Variants in CARMIL1 observed in about 807,000 individuals in gnomAD.
CARMIL1 encodes the protein capping protein regulator and myosin 1 linker 1.
In CARMIL1, 90 loss-of-function variants were observed where a neutral mutation model predicts 177.1. The observed-to-expected ratio is 0.51, with a 90% CI of 0.43 to 0.61. CARMIL1 has a LOEUF of 0.61. CARMIL1 is among the 20% of genes least tolerant of loss of function. The pLI, the probability that CARMIL1 is intolerant of heterozygous loss-of-function variation, is 0.00. For synonymous variants in CARMIL1, 577 were observed against 606.2 expected (o/e 0.95, Z 0.71); for missense variants, 1,380 against 1,667.0 (o/e 0.83, Z 3.00).
chr6:25,575,362 G>C (rs1389555768), intron 29 of CARMIL1, among the ~76,000 whole-genome samples: 2 of 152,142 alleles, frequency 1.3e-5, no homozygotes, highest in Non-Finnish European at 2.9e-5. Context: ...GTCATTTTAG[G>C]AGTTGAACCA....
intron 2 of CARMIL1, among the ~76,000 whole-genome samples, chr6:25,303,739 A>G (rs570400074): frequency 1.1e-4 from 17 of 152,382 alleles, no homozygotes; most frequent in African/African-American, 3.6e-4. Flanking sequence ...TATGTTAAAT[A>G]ACGGGTGAAC....
chr6:25,618,987 A>G (rs1473775526), intron 36 of CARMIL1, among the ~76,000 whole-genome samples: 1 of 152,244 alleles, frequency 6.6e-6, no homozygotes, highest in African/African-American at 2.4e-5. Context: ...GCCCCAAATC[A>G]TCTGCAGAAG....
intron 5 of CARMIL1, among the ~76,000 whole-genome samples, chr6:25,443,911 C>T (rs534880692): frequency 2.9e-4 from 44 of 152,196 alleles, no homozygotes; most frequent in Non-Finnish European, 5.7e-4. Context: ...TCAAGCCATT[C>T]TCTGGCCTCA....
At chr6:25,598,493 C>G (rs1261415802) in intron 32 of CARMIL1, among the ~76,000 whole-genome samples, 1 of 152,160 alleles carries the variant, frequency 6.6e-6, no homozygotes, top group Non-Finnish European at 1.5e-5. Flanking sequence ...CCCACCTCAG[C>G]CTCCCAAAGT....
At chr6:25,566,117 T>G (rs1449605711) in intron 29 of CARMIL1, among the ~76,000 whole-genome samples, 1 of 152,238 alleles carries the variant, frequency 6.6e-6, no homozygotes. Flanking sequence ...TGTTTGATTC[T>G]TGTCTGGACT....
intron 29 of CARMIL1, among the ~76,000 whole-genome samples, chr6:25,573,590 C>CAAAAAAA (rs5875051): frequency 4.3e-5 from 3 of 69,966 alleles, no homozygotes; most frequent in African/African-American, 5.9e-5. Context: ...TACCTCTAAG[C>CAAAAAAA]AAAAAAAAAA....
intron 11 of CARMIL1, among the ~76,000 whole-genome samples, chr6:25,481,211 C>A (rs1290128025): frequency 6.6e-6 from 1 of 151,956 alleles, no homozygotes; most frequent in African/African-American, 2.4e-5. Context: ...CCGATAAAAA[C>A]CTGTTTAACA....
At position 25,515,250 on chromosome 6, in the gene CARMIL1, G is replaced by C. The variant is rs886209711; in HGVS notation, c.1633-425G>C. On this transcript the variant is annotated intron_variant, in intron 20 of 36. Coordinates refer to ENST00000329474, the MANE Select transcript of CARMIL1 (RefSeq NM_017640.6). The surrounding 1 kb of genome is among the most constrained non-coding windows in gnomAD (Gnocchi z 5.0). Reference sequence around the variant, plus strand: ...TAATTGTCAGCTATTATTAATCCTGGCTGGCTTTTATCTTGTATTTGTCCT... The same window carrying C: ...TAATTGTCAGCTATTATTAATCCTGCCTGGCTTTTATCTTGTATTTGTCCT... Among the ~76,000 whole-genome samples the C allele has an allele frequency of 1.3e-5, 2 of 152,140 alleles. No individual in the cohort carries two copies. The highest frequency in any genetic ancestry group is 2.9e-5 in the Non-Finnish European group (2 of 68,026).
chr6:25,609,478 AAGAG>A (rs1554236678), intron 35 of CARMIL1, among the ~76,000 whole-genome samples: 1 of 151,578 alleles, frequency 6.6e-6, no homozygotes, highest in Admixed American at 6.6e-5. Flanking sequence ...AAAAAAAAAA[AAGAG>A]AGACTAGAAT....
chr6:25,613,342 C>T (rs1480065738), intron 36 of CARMIL1, among the ~76,000 whole-genome samples: 1 of 152,228 alleles, frequency 6.6e-6, no homozygotes, highest in Non-Finnish European at 1.5e-5. Context: ...AAGTCACTGA[C>T]TCAATGCAGA....
chr6:25,495,538 C>CATGTGTGT (rs3220384), intron 16 of CARMIL1, among the ~76,000 whole-genome samples: 1 of 144,872 alleles, frequency 6.9e-6, no homozygotes, highest in African/African-American at 2.6e-5. Context: ...TTCGTTTGTT[C>CATGTGTGT]GTGTGTGTGT....
intron 29 of CARMIL1, among the ~76,000 whole-genome samples, chr6:25,567,387 A>G (rs1179321752): frequency 6.6e-6 from 1 of 152,234 alleles, no homozygotes; most frequent in Non-Finnish European, 1.5e-5. Context: ...ACCTCCTCCA[A>G]TTATGGGGCA....
At chr6:25,553,980 G>A in intron 27 of CARMIL1, 29 bp from the exon 28 acceptor site, 2 of 1,440,138 alleles carry the variant, frequency 1.4e-6, no homozygotes, top group Non-Finnish European at 1.9e-6. Context: ...AAATTAAAAT[G>A]GTACTCTGTC....
In CARMIL1 at chr6:25,564,721, T is replaced by C. The variant is rs374389813; in HGVS notation, c.2742+7871T>C. Among the ~76,000 whole-genome samples, 6 of 152,210 alleles carry C rather than the reference T, an allele frequency of 3.9e-5. No homozygotes were observed. In the East Asian group the frequency reaches 1.2e-3, roughly 29 times the overall value. ...GTGCAGTACCTGAAGAAGTGTAGTT[T>C]GTTGTATTAAGCTGTAATTCTGGCT... On this transcript the variant is annotated intron_variant, in intron 29 of 36. Coordinates refer to ENST00000329474, the MANE Select transcript of CARMIL1 (RefSeq NM_017640.6).
At chr6:25,393,843 G>A (rs938035279) in intron 2 of CARMIL1, among the ~76,000 whole-genome samples, 1 of 151,982 alleles carries the variant, frequency 6.6e-6, no homozygotes. Flanking sequence ...GCAACAGAGT[G>A]AAACCCCATC....
intron 1 of CARMIL1, among the ~76,000 whole-genome samples, chr6:25,281,140 A>C: frequency 1.0e-5 from 1 of 96,738 alleles, no homozygotes; most frequent in Admixed American, 9.9e-5. Flanking sequence ...GCGCGCGCAC[A>C]CACACACACA....
chr6:25,579,259 G>A (rs190726522), intron 29 of CARMIL1, among the ~76,000 whole-genome samples: 38 of 143,928 alleles, frequency 2.6e-4, no homozygotes, highest in African/African-American at 5.6e-4. Flanking sequence ...CAAGAGTCAG[G>A]AAAAAAAAAA....
chr6:25,567,798 C>G (rs1339499822), intron 29 of CARMIL1, among the ~76,000 whole-genome samples: 1 of 152,204 alleles, frequency 6.6e-6, no homozygotes, highest in Non-Finnish European at 1.5e-5. Flanking sequence ...TTAAGTGATT[C>G]TGTCTAAATT....
In CARMIL1 at chr6:25,459,681, T is replaced by C. The variant is rs117006893; in HGVS notation, c.615-6192T>C. On this transcript the variant is annotated intron_variant, in intron 8 of 36. Coordinates refer to ENST00000329474, the MANE Select transcript of CARMIL1 (RefSeq NM_017640.6). Reference sequence around the variant, plus strand: ...TATTAACTGTCTCATATCTCTTCAGTGTTGTGTAAGAAATGATTGTGCCAC... The same window carrying C: ...TATTAACTGTCTCATATCTCTTCAGCGTTGTGTAAGAAATGATTGTGCCAC... Among the ~76,000 whole-genome samples, 859 of 152,220 alleles carry C rather than the reference T, an allele frequency of 5.6e-3. 14 individuals are homozygous for C. The highest frequency in any genetic ancestry group is 0.032 in the Admixed American group (487 of 15,284).
Sources: allele counts gnomAD v4.1 joint callset (sites outside exome capture counted in the v4.1 genomes callset), GRCh38; gene constraint gnomAD v4.1.1; non-coding constraint Gnocchi (gnomAD v3.1); transcripts MANE v1.5; gene names NCBI Gene and HGNC (gene_info 2026-07-23, HGNC 2026-07-21).